The following PRUNE2 variants were observed in gnomAD, a reference collection of about 807,000 sequenced individuals.
The protein encoded by PRUNE2 is prune homolog 2 with BCH domain, also known as protein prune homolog 2.
A neutral mutation model predicts 252.0 loss-of-function variants in PRUNE2; 164 were observed. The observed-to-expected ratio is 0.65, with a 90% confidence interval of 0.57 to 0.74. PRUNE2 has a LOEUF of 0.74. Among genes scored for constraint, PRUNE2 ranks in the 30% least tolerant of loss-of-function variants. PRUNE2 has a pLI of 0.00. For synonymous variants in PRUNE2, 1,292 were observed against 1,350.2 expected (o/e 0.96, Z 0.94); for missense variants, 3,495 against 3,711.0 (o/e 0.94, Z 1.51).
Position 76,852,516 on chromosome 9 carries a change from CAG to C in PRUNE2, c.141+1586_141+1587del, listed in dbSNP as rs1812031506. Among the ~76,000 whole-genome samples, 4 of 152,304 alleles carry C rather than the reference CAG, an allele frequency of 2.6e-5. No individual in the cohort carries two copies. The South Asian group carries it at 8.3e-4, about 32-fold the overall frequency. On this transcript the variant is annotated intron_variant, in intron 2 of 18. Transcript: ENST00000376718. ...CCATCTGAAAATGCGGCTCACTTACCAGAGTGAGAAGGATTTAAATGGGGTCA... is the reference window on the plus strand; with the variant it reads ...CCATCTGAAAATGCGGCTCACTTACCAGTGAGAAGGATTTAAATGGGGTCA...
intron 9 of PRUNE2, among the ~76,000 whole-genome samples, chr9:76,656,107 T>G (rs1276367220): frequency 6.6e-6 from 1 of 152,228 alleles, no homozygotes; most frequent in African/African-American, 2.4e-5. Context: ...TGAAGATGGC[T>G]CTGGTCATGA....
chr9:76,807,020 A>ATGTGTGTGTGTGTGTG (rs1554779764), intron 6 of PRUNE2, among the ~76,000 whole-genome samples: 157 of 140,494 alleles, frequency 1.1e-3, no homozygotes, highest in African/African-American at 4.0e-3. Flanking sequence ...ACCTCATACA[A>ATGTGTGTGTGTGTGTG]TGTGTGTGTG....
chr9:76,897,236 T>G (rs1767224173), intron 1 of PRUNE2, among the ~76,000 whole-genome samples: 1 of 152,074 alleles, frequency 6.6e-6, no homozygotes, highest in Admixed American at 6.5e-5. Flanking sequence ...TGTCAAGCTG[T>G]TCACTTTTAA....
chr9:76,718,617 T>C (rs2047363733), intron 6 of PRUNE2, among the ~76,000 whole-genome samples: 1 of 152,186 alleles, frequency 6.6e-6, no homozygotes. Context: ...TGCTGGTTGC[T>C]CTTCCTTATT....
chr9:76,781,758 C>T (rs184726245), intron 6 of PRUNE2, among the ~76,000 whole-genome samples: 3 of 152,326 alleles, frequency 2.0e-5, no homozygotes, highest in Admixed American at 2.0e-4. Context: ...GTACCTAGCA[C>T]ATAGCATATA....
Position 76,614,296 on chromosome 9 carries a change from C to T in PRUNE2, c.*274G>A, listed in dbSNP as rs759782689. On this transcript the variant is annotated 3_prime_UTR_variant, in exon 19 of 19. Coordinates refer to ENST00000376718, the MANE Select transcript of PRUNE2 (RefSeq NM_015225.3). ...TCTAAGGGACAAAGTATCACTACAC[C>T]GTGTTAATGAAGTATTGAAATGGAA... 4 of 503,176 alleles carry T rather than the reference C, an allele frequency of 7.9e-6. No individual in the cohort carries two copies. The highest frequency in any genetic ancestry group is 2.0e-5 in the African/African-American group (1 of 50,446). 31.2% of individuals were successfully genotyped at this position (503,176 alleles called of 1,614,324 possible).
intron 9 of PRUNE2, among the ~76,000 whole-genome samples, chr9:76,670,476 G>T (rs1423485169): frequency 6.6e-6 from 1 of 151,612 alleles, no homozygotes; most frequent in African/African-American, 2.4e-5. Context: ...GGCTGGGGGA[G>T]GGGCGCCCAC....
rs1448814189 is a variant in PRUNE2 at position 76,704,859 on chromosome 9, C to G, written c.7415G>C (p.Gly2472Ala). The G allele has an allele frequency of 7.5e-6, 12 of 1,602,382 alleles. No homozygotes were observed. Among genetic ancestry groups the G allele is most frequent in the Non-Finnish European group, 1.0e-5 (12 of 1,173,800 alleles). Residue 2472 changes from glycine to alanine, a missense_variant, in exon 8 of 19, where the codon GGA (glycine) becomes GCA (alanine). Physicochemically the swap from Gly to Ala is moderately conservative, Grantham distance 60. Transcript: ENST00000376718. ...TGGAGACAAAATGTTGGAGCCTGCT[C>G]CTACCGGCAAATAAACGGACTCAGG... ...EDPESVYLPV[G>A]AGSNILSPSN...
chr9:76,824,718 A>C (rs1016422962), intron 5 of PRUNE2, among the ~76,000 whole-genome samples: 2 of 152,122 alleles, frequency 1.3e-5, no homozygotes, highest in Non-Finnish European at 1.5e-5. Context: ...AAAGCACTGC[A>C]CCCTTCCCAG....
At chr9:76,629,800 C>A (rs1211255227) in intron 15 of PRUNE2, among the ~76,000 whole-genome samples, 1 of 152,148 alleles carries the variant, frequency 6.6e-6, no homozygotes, top group Non-Finnish European at 1.5e-5. Flanking sequence ...CTCTCTACTT[C>A]TATAAGCTCA....
intron 6 of PRUNE2, among the ~76,000 whole-genome samples, chr9:76,745,678 T>C (rs879566307): frequency 6.6e-6 from 1 of 152,170 alleles, no homozygotes; most frequent in African/African-American, 2.4e-5. Context: ...TGAGTAACAG[T>C]AAAACTCTGA....
chr9:76,650,597 T>A (rs918701204), intron 11 of PRUNE2, among the ~76,000 whole-genome samples: 42 of 152,294 alleles, frequency 2.8e-4, no homozygotes, highest in African/African-American at 1.0e-3. Context: ...GCACTTTGTG[T>A]TTTCAAAGTT....
At chr9:76,849,988 T>C (rs900360544) in intron 3 of PRUNE2, among the ~76,000 whole-genome samples, 1 of 152,300 alleles carries the variant, frequency 6.6e-6, no homozygotes, top group South Asian at 2.1e-4. Context: ...ATATTCCCTT[T>C]TCTCTGCATG....
At chr9:76,677,537 C>A (rs1171863228) in intron 9 of PRUNE2, among the ~76,000 whole-genome samples, 1 of 152,240 alleles carries the variant, frequency 6.6e-6, no homozygotes. Flanking sequence ...GAGGGCGCTG[C>A]TGGCAGCCGG....
At chr9:76,833,788 T>TA (rs897426241) in intron 4 of PRUNE2, among the ~76,000 whole-genome samples, 35 of 147,812 alleles carry the variant, frequency 2.4e-4, no homozygotes, top group Admixed American at 4.0e-4. Context: ...ATAAAAAATT[T>TA]AAAAAAAAAT....
chr9:76,652,298 C>T, intron 11 of PRUNE2, 185 bp downstream of exon 11: 1 of 588,384 alleles, frequency 1.7e-6, no homozygotes, highest in Non-Finnish European at 3.0e-6. Context: ...TATGTATGGC[C>T]TCTGTGACCC....
intron 1 of PRUNE2, among the ~76,000 whole-genome samples, chr9:76,898,977 G>A (rs924764284): frequency 1.2e-4 from 19 of 152,216 alleles, no homozygotes; most frequent in Admixed American, 1.1e-3. Flanking sequence ...TCATGCATGG[G>A]TTTACCCCAC....
chr9:76,811,263 A>G (rs2057339425), intron 6 of PRUNE2, among the ~76,000 whole-genome samples: 1 of 152,250 alleles, frequency 6.6e-6, no homozygotes, highest in South Asian at 2.1e-4. Flanking sequence ...CCCTTCTCAT[A>G]AAGAAAAATG....
intron 4 of PRUNE2, among the ~76,000 whole-genome samples, chr9:76,840,716 C>G (rs1488936439): frequency 6.6e-6 from 1 of 152,182 alleles, no homozygotes; most frequent in Non-Finnish European, 1.5e-5. Flanking sequence ...AGTGGTGGCT[C>G]AGGCCTGTAA....
Sources: gnomAD v4.1 joint callset for allele counts (sites outside exome capture counted in the v4.1 genomes callset) on GRCh38, gnomAD v4.1.1 for gene constraint, MANE v1.5 for transcripts, NCBI Gene and HGNC (gene_info 2026-07-23, HGNC 2026-07-21) for gene names.